ACAD10: variants seen among roughly 807,000 people sequenced by gnomAD.
The protein encoded by ACAD10 is ACAD-10.
ACAD10 carries 112 observed loss-of-function variants against 116.8 expected under a neutral mutation model. The observed-to-expected ratio is 0.96, with a 90% CI of 0.82 to 1.12. ACAD10 has a LOEUF of 1.12. Among genes scored for constraint, ACAD10 ranks in the 50% most tolerant of loss-of-function variants. The probability of loss-of-function intolerance (pLI) is 0.00; values close to 1 mark genes in which losing one functional copy is unlikely to be tolerated. For synonymous variants in ACAD10, 486 were observed against 510.6 expected, an observed-to-expected ratio of 0.95 and a Z score of 0.65; for missense variants, 1,259 against 1,350.2, an observed-to-expected ratio of 0.93 and a Z score of 1.06.
chr12:111,729,750 G>A (rs974728200), intron 9 of ACAD10, 56 bp from the exon 10 acceptor site: 25 of 1,565,438 alleles, frequency 1.6e-5, no homozygotes, highest in East Asian at 1.6e-4. Context: ...TTTTTTTTCC[G>A]CTACTTTCAG....
At chr12:111,700,748 C>CTTTTTTT (rs750378233) in intron 2 of ACAD10, among the ~76,000 whole-genome samples, 2 of 89,912 alleles carry the variant, frequency 2.2e-5, no homozygotes, top group Non-Finnish European at 4.4e-5. Flanking sequence ...CCTTCCTCTT[C>CTTTTTTT]TTTTTTTTTT....
intron 3 of ACAD10, among the ~76,000 whole-genome samples, chr12:111,704,488 T>C (rs2135951641): frequency 6.6e-6 from 1 of 152,052 alleles, no homozygotes; most frequent in East Asian, 1.9e-4. Context: ...ATGGCAGTGA[T>C]GGTTGCACAA....
chr12:111,719,790 C>T lies in ACAD10; in HGVS notation c.993-1881C>T, dbSNP rs374939144. ...TTGCCCAGGCTGGAGCGCAGTGGCA[C>T]GATCTCGGCCCACTGCAAGCTCCGC... On this transcript the variant is annotated intron_variant, in intron 7 of 20. Transcript: ENST00000313698. 1.1e-4 allele frequency among the ~76,000 whole-genome samples: 17 copies of T among 152,058 alleles called. No individual in the cohort carries two copies. The South Asian group carries it at 3.5e-3, about 32-fold the overall frequency.
intron 16 of ACAD10, among the ~76,000 whole-genome samples, chr12:111,747,976 C>T (rs749292920): frequency 7.2e-5 from 11 of 152,122 alleles, no homozygotes; most frequent in Admixed American, 1.3e-4. Context: ...TTCCAAGGCC[C>T]GGGCCCAGAG....
intron 12 of ACAD10, 99 bp downstream of exon 12, chr12:111,737,103 G>A (rs1889589574): frequency 8.4e-7 from 1 of 1,197,176 alleles, no homozygotes; most frequent in Non-Finnish European, 1.1e-6. Flanking sequence ...AGGCTTTGGA[G>A]AGACCGATTT....
chr12:111,726,739 T>C (rs2081848363), intron 8 of ACAD10, among the ~76,000 whole-genome samples: 1 of 152,094 alleles, frequency 6.6e-6, no homozygotes, highest in South Asian at 2.1e-4. Flanking sequence ...CACATACCTG[T>C]AGTTTCAGCT....
Position 111,745,021 on chromosome 12 carries a change from C to T in ACAD10, c.2093C>T (p.Ser698Phe). Residue 698 changes from serine (S) to phenylalanine (F), a missense_variant, in exon 13 of 21, where the codon TCC (serine) becomes TTC (phenylalanine). Ser to Phe is a radical substitution (Grantham distance 155). Transcript: ENST00000313698. ...HQASAARWSPSPLIEDLKEKA... is the reference protein window; with the variant it reads ...HQASAARWSPFPLIEDLKEKA... ...GCCTCAGCAGCCAGGTGGAGCCCCTCCCCACTGATCGAAGACCTCAAGGTA... is the reference window on the plus strand; with the variant it reads ...GCCTCAGCAGCCAGGTGGAGCCCCTTCCCACTGATCGAAGACCTCAAGGTA... 1 of 1,613,512 alleles carries T rather than the reference C, an allele frequency of 6.2e-7. No individual in the cohort carries two copies. Among genetic ancestry groups the T allele is most frequent in the Non-Finnish European group, 8.5e-7 (1 of 1,179,940 alleles).
At chr12:111,731,858 A>C (rs1338172167) in intron 10 of ACAD10, among the ~76,000 whole-genome samples, 3 of 152,192 alleles carry the variant, frequency 2.0e-5, no homozygotes, top group African/African-American at 7.2e-5. Flanking sequence ...GAAAGCGGGC[A>C]GATCACTTGA....
chr12:111,709,424 C>T, intron 4 of ACAD10, 102 bp from the exon 5 acceptor site: 3 of 972,754 alleles, frequency 3.1e-6, no homozygotes, highest in Non-Finnish European at 4.4e-6. Context: ...TAATAAATCT[C>T]AACTGTCCTT....
At chr12:111,688,467 T>C (rs60694720) in intron 1 of ACAD10, among the ~76,000 whole-genome samples, 2,364 of 152,230 alleles carry the variant, frequency 0.016, 71 homozygotes, top group African/African-American at 0.054. Flanking sequence ...ATAACCTATG[T>C]ACACCCTCCT....
Position 111,744,751 on chromosome 12 carries a change from T to A in ACAD10, c.1823T>A (p.Met608Lys), listed in dbSNP as rs755381658. The change falls in exon 13 of 21, where the codon ATG (methionine) becomes AAG (lysine). Residue 608 changes from methionine to lysine, a missense_variant. Transcript: ENST00000313698. ...VKEGFRVFKE[M>K]PFTNPLTRSY... ...GAAGGGTTCCGGGTTTTCAAAGAGA[T>A]GCCCTTCACAAATCCGTTAACAAGG... The A allele has an allele frequency of 1.2e-6, 2 of 1,614,212 alleles. No individual in the cohort carries two copies. The highest frequency in any genetic ancestry group is 1.7e-6 in the Non-Finnish European group (2 of 1,180,034).
At chr12:111,689,751 T>TG (rs1491320914) in intron 1 of ACAD10, among the ~76,000 whole-genome samples, 5 of 151,856 alleles carry the variant, frequency 3.3e-5, no homozygotes, top group African/African-American at 1.2e-4. Flanking sequence ...AGTCTCACTC[T>TG]GTTGCCCAGG....
chr12:111,740,763 A>G (rs1889713844), intron 12 of ACAD10, among the ~76,000 whole-genome samples: 1 of 146,180 alleles, frequency 6.8e-6, no homozygotes, highest in African/African-American at 2.6e-5. Flanking sequence ...CAGCCTGGTG[A>G]CAGAGCGAGA....
intron 18 of ACAD10, among the ~76,000 whole-genome samples, chr12:111,750,619 C>T (rs748659557): frequency 7.9e-5 from 12 of 152,062 alleles, no homozygotes; most frequent in Non-Finnish European, 1.8e-4. Flanking sequence ...AAATCAGACA[C>T]CAGGGAGATC....
chr12:111,719,136 GAAAA>G (rs1888937768), intron 7 of ACAD10, among the ~76,000 whole-genome samples: 1 of 151,868 alleles, frequency 6.6e-6, no homozygotes, highest in Non-Finnish European at 1.5e-5. Context: ...AAAAAGAAAA[GAAAA>G]AAAGAAGTGC....
intron 19 of ACAD10, 64 bp from the exon 20 acceptor site, chr12:111,755,604 G>T (rs1160813950): frequency 3.0e-5 from 37 of 1,230,016 alleles, no homozygotes; most frequent in Middle Eastern, 5.1e-4. Context: ...GGGACGGGGG[G>T]GCCTCACTCT....
Position 111,728,098 on chromosome 12 carries a change from A to G in ACAD10, c.1198A>G (p.Ser400Gly), listed in dbSNP as rs780292003. Residue 400 changes from serine (S) to glycine (G), a missense_variant, in exon 9 of 21, where the codon AGT becomes GGT. Transcript: ENST00000313698. The stretch of plus-strand genomic sequence containing the variant: ...GAACACAGTCCTGTGCAAAATTCAC[A>G]GTGTGGATCTGCAGGCTGTGGGACT... ...AMNTVLCKIH[S>G]VDLQAVGLED... 3.1e-6 allele frequency: 5 copies of G among 1,613,532 alleles called. No homozygotes were observed. The highest frequency in any genetic ancestry group is 3.4e-6 in the Non-Finnish European group (4 of 1,179,810).
intron 18 of ACAD10, chr12:111,749,770 A>G (rs1258631216): frequency 6.5e-6 from 1 of 152,750 alleles, no homozygotes; most frequent in East Asian, 1.9e-4. Flanking sequence ...CTACAAAAAA[A>G]AAAAAAATTT....
rs192458101 is a variant in ACAD10, at chr12:111,739,624, G to A, written c.1714+2620G>A. Reference sequence around the variant, plus strand: ...AATATAAAAATTAGCCAGGCCTGGTGGCGGGCACCTGTAATCCCAGCTACT... The same window carrying A: ...AATATAAAAATTAGCCAGGCCTGGTAGCGGGCACCTGTAATCCCAGCTACT... On this transcript the variant is annotated intron_variant, in intron 12 of 20. Coordinates refer to ENST00000313698, the MANE Select transcript of ACAD10 (RefSeq NM_025247.6). 3.9e-5 allele frequency among the ~76,000 whole-genome samples: 6 copies of A among 152,294 alleles called. No homozygotes were observed. The East Asian group carries it at 1.2e-3, about 29-fold the overall frequency.
Sources: gnomAD v4.1 joint callset for allele counts (sites outside exome capture counted in the v4.1 genomes callset) on GRCh38, gnomAD v4.1.1 for gene constraint, MANE v1.5 for transcripts, NCBI Gene and HGNC (gene_info 2026-07-23, HGNC 2026-07-21) for gene names.